The following PTPRT variants were observed in gnomAD, a reference collection of about 807,000 sequenced individuals.
PTPRT encodes the protein receptor-type tyrosine-protein phosphatase T.
PTPRT carries 56 observed loss-of-function variants against 176.8 expected under a neutral mutation model. That is an observed-to-expected ratio of 0.32 (90% CI 0.26 to 0.40). The LOEUF (loss-of-function observed/expected upper bound fraction) is 0.40. PTPRT is among the 10% of genes least tolerant of loss of function. PTPRT has a pLI of 1.00. For missense variants in PTPRT, 1,540 were observed against 1,908.2 expected, an observed-to-expected ratio of 0.81 and a Z score of 3.60; for synonymous variants, 783 against 739.0, an observed-to-expected ratio of 1.06 and a Z score of -0.96.
chr20:42,534,068 A>G (rs1351179143), intron 7 of PTPRT, among the ~76,000 whole-genome samples: 2 of 152,178 alleles, frequency 1.3e-5, no homozygotes, highest in African/African-American at 4.8e-5. Context: ...AGGTCGGGAG[A>G]AGGTGAGCCA....
intron 2 of PTPRT, among the ~76,000 whole-genome samples, chr20:42,830,087 A>T (rs2078059466): frequency 6.6e-6 from 1 of 152,096 alleles, no homozygotes; most frequent in Non-Finnish European, 1.5e-5. Flanking sequence ...CTCCTCCCCA[A>T]CTCATTCCAT....
chr20:42,679,919 C>T (rs1225838615), intron 6 of PTPRT, among the ~76,000 whole-genome samples: 5 of 152,006 alleles, frequency 3.3e-5, no homozygotes, highest in East Asian at 1.9e-4. Context: ...GAACCAACTG[C>T]GAGGAATGGG....
intron 18 of PTPRT, among the ~76,000 whole-genome samples, chr20:42,141,091 A>T (rs1988602328): frequency 6.6e-6 from 1 of 152,198 alleles, no homozygotes; most frequent in Non-Finnish European, 1.5e-5. Flanking sequence ...CAGGAAAGGT[A>T]AAGCTCATTG....
At chr20:42,147,480 C>T (rs1354454759) in intron 17 of PTPRT, among the ~76,000 whole-genome samples, 1 of 152,212 alleles carries the variant, frequency 6.6e-6, no homozygotes, top group South Asian at 2.1e-4. Flanking sequence ...CTGCACTTTG[C>T]CTATGCCATC....
At chr20:43,170,528 C>T (rs151150766) in intron 1 of PTPRT, among the ~76,000 whole-genome samples, 1,724 of 152,278 alleles carry the variant, frequency 0.011, 14 homozygotes, top group Non-Finnish European at 0.018. Flanking sequence ...GAAGTGAACT[C>T]TAAAATCCAC....
chr20:42,706,159 ATCTC>A (rs113720952), intron 6 of PTPRT, among the ~76,000 whole-genome samples: 3,580 of 141,828 alleles, frequency 0.025, 180 homozygotes, highest in African/African-American at 0.087. Flanking sequence ...GTCTCTCTTT[ATCTC>A]TCTCTCTCTC....
chr20:43,134,947 C>T (rs1234912658), intron 1 of PTPRT, among the ~76,000 whole-genome samples: 7 of 152,198 alleles, frequency 4.6e-5, no homozygotes, highest in Admixed American at 4.6e-4. Flanking sequence ...ACCAGCATCC[C>T]TGGCCTCAAC....
At chr20:42,899,689 C>T (rs1038772671) in intron 1 of PTPRT, among the ~76,000 whole-genome samples, 4 of 152,214 alleles carry the variant, frequency 2.6e-5, no homozygotes, top group Admixed American at 1.3e-4. Flanking sequence ...CTAGACTCAT[C>T]AAAGAGCCTA....
At chr20:42,656,722 A>T (rs2075131413) in intron 7 of PTPRT, among the ~76,000 whole-genome samples, 1 of 152,200 alleles carries the variant, frequency 6.6e-6, no homozygotes, top group African/African-American at 2.4e-5. Flanking sequence ...TGCTGATTAC[A>T]GCTTTTAAAA....
chr20:42,735,028 G>GTGT (rs1162873853), intron 6 of PTPRT, among the ~76,000 whole-genome samples: 1 of 152,212 alleles, frequency 6.6e-6, no homozygotes, highest in Non-Finnish European at 1.5e-5. Context: ...AAACCACACA[G>GTGT]TGTTCCAGAA....
Position 43,122,541 on chromosome 20 carries a change from G to C in PTPRT, c.88+67105C>G, listed in dbSNP as rs184591271. On this transcript the variant is annotated intron_variant, in intron 1 of 30. Transcript: ENST00000373187. ...CCCAGTGGGAGATGATTGGATCATG[G>C]GGGCAGATCCCTTATGTATGGTTTA... is the stretch of plus-strand genomic sequence containing the variant. 3.5e-3 allele frequency among the ~76,000 whole-genome samples: 532 copies of C among 152,284 alleles called. 3 individuals carry two copies. The highest frequency in any genetic ancestry group is 0.012 in the African/African-American group (499 of 41,552).
At chr20:42,109,173 A>T (rs1986796374) in intron 23 of PTPRT, among the ~76,000 whole-genome samples, 2 of 152,226 alleles carry the variant, frequency 1.3e-5, no homozygotes, top group Admixed American at 1.3e-4. Context: ...ATGCTGTATG[A>T]GGACGGGGCT....
intron 1 of PTPRT, among the ~76,000 whole-genome samples, chr20:43,113,308 C>T (rs1044888177): frequency 6.6e-6 from 1 of 152,228 alleles, no homozygotes; most frequent in African/African-American, 2.4e-5. Flanking sequence ...ACTCTACACT[C>T]ATACAAAGCT....
intron 7 of PTPRT, among the ~76,000 whole-genome samples, chr20:42,541,812 T>C (rs1292914727): frequency 6.8e-6 from 1 of 146,578 alleles, no homozygotes; most frequent in Non-Finnish European, 1.5e-5. Context: ...AATTAAAATT[T>C]TAAAATTTTA....
intron 14 of PTPRT, among the ~76,000 whole-genome samples, chr20:42,245,460 C>G (rs1404413584): frequency 6.6e-6 from 1 of 152,192 alleles, no homozygotes; most frequent in Non-Finnish European, 1.5e-5. Flanking sequence ...TTCTCCTTTT[C>G]GTTTCTCAAG....
intron 9 of PTPRT, among the ~76,000 whole-genome samples, chr20:42,438,120 G>A (rs763301469): frequency 6.6e-6 from 1 of 152,176 alleles, no homozygotes; most frequent in African/African-American, 2.4e-5. Flanking sequence ...AAAGGCCTCT[G>A]GGTGCACACG....
At chr20:42,346,403 C>T (rs1256443827) in intron 11 of PTPRT, among the ~76,000 whole-genome samples, 5 of 152,126 alleles carry the variant, frequency 3.3e-5, no homozygotes, top group Admixed American at 6.5e-5. Flanking sequence ...GAAGAAGGCT[C>T]GGCATGTTCA....
intron 1 of PTPRT, among the ~76,000 whole-genome samples, chr20:43,162,743 A>C (rs1313848480): frequency 7.9e-6 from 1 of 126,968 alleles, no homozygotes; most frequent in African/African-American, 2.5e-5. Context: ...CAACCACACC[A>C]AAGGGTTTGG....
At chr20:42,282,677 C>T in intron 12 of PTPRT, 152 bp from the exon 13 acceptor site, 1 of 630,450 alleles carries the variant, frequency 1.6e-6, no homozygotes, top group Non-Finnish European at 2.6e-6. Flanking sequence ...TTTTTTTCCC[C>T]ATCGGATGAC....
Sources: gnomAD v4.1 joint callset for allele counts (sites outside exome capture counted in the v4.1 genomes callset) on GRCh38, gnomAD v4.1.1 for gene constraint, MANE v1.5 for transcripts, NCBI Gene and HGNC (gene_info 2026-07-23, HGNC 2026-07-21) for gene names.